The following KHDRBS2 variants were observed in gnomAD, a reference collection of about 807,000 sequenced individuals.
KHDRBS2 encodes KH domain-containing, RNA-binding, signal transduction-associated protein 2.
KHDRBS2 carries 26 observed loss-of-function variants against 44.3 expected under a neutral mutation model. That is an observed-to-expected ratio of 0.59 (90% confidence interval 0.43 to 0.81). The LOEUF (loss-of-function observed/expected upper bound fraction) is 0.81, where lower values mean the gene tolerates loss of function less well. Ranked by LOEUF, KHDRBS2 falls within the 40% of genes least tolerant of loss-of-function variation. KHDRBS2 has a pLI of 0.00. For missense variants in KHDRBS2, 476 were observed against 433.1 expected, an observed-to-expected ratio of 1.10 and a Z score of -0.88; for synonymous variants, 194 against 151.1, an observed-to-expected ratio of 1.28 and a Z score of -2.08.
chr6:62,186,055 T>A (rs1252070530), intron 1 of KHDRBS2, among the ~76,000 whole-genome samples: 1 of 152,042 alleles, frequency 6.6e-6, no homozygotes, highest in Non-Finnish European at 1.5e-5. Context: ...AGTATATTCT[T>A]AAGAATGCAG....
At chr6:61,543,636 A>T in the KHDRBS2 span, among the ~76,000 whole-genome samples, 1 of 152,020 alleles carries the variant, frequency 6.6e-6, no homozygotes, top group Non-Finnish European at 1.5e-5. Flanking sequence ...AGTATATAGA[A>T]GAGATATCTA....
intron 6 of KHDRBS2, among the ~76,000 whole-genome samples, chr6:61,857,582 T>C (rs978836708): frequency 1.0e-4 from 9 of 86,792 alleles, no homozygotes; most frequent in Middle Eastern, 5.3e-3. Context: ...GATTATTTAC[T>C]TCATATTTAT....
chr6:62,014,737 A>C (rs1236793088), intron 3 of KHDRBS2, among the ~76,000 whole-genome samples: 1 of 152,128 alleles, frequency 6.6e-6, no homozygotes, highest in Non-Finnish European at 1.5e-5. Context: ...ATCTTTCCTA[A>C]ATGGAACATC....
the KHDRBS2 span, among the ~76,000 whole-genome samples, chr6:61,657,060 A>G: frequency 6.6e-6 from 1 of 151,980 alleles, no homozygotes; most frequent in Non-Finnish European, 1.5e-5. Flanking sequence ...ACTACTCAAA[A>G]GATGGTCCAT....
chr6:61,671,646 G>A, the KHDRBS2 span, among the ~76,000 whole-genome samples: 1 of 151,546 alleles, frequency 6.6e-6, no homozygotes, highest in Non-Finnish European at 1.5e-5. Flanking sequence ...CTATCTTATT[G>A]TTACCTCAGA....
chr6:61,654,475 G>A, the KHDRBS2 span, among the ~76,000 whole-genome samples: 1 of 151,746 alleles, frequency 6.6e-6, no homozygotes, highest in South Asian at 2.1e-4. Flanking sequence ...CTGCACTTCT[G>A]TTGTTTGCTC....
intron 5 of KHDRBS2, among the ~76,000 whole-genome samples, chr6:61,900,832 G>T (rs1803846628): frequency 6.6e-6 from 1 of 152,144 alleles, no homozygotes; most frequent in Admixed American, 6.5e-5. Flanking sequence ...AGGGTATCTT[G>T]GTTTGAAGAG....
At chr6:61,880,705 C>T (rs1346335585) in intron 6 of KHDRBS2, among the ~76,000 whole-genome samples, 1 of 151,890 alleles carries the variant, frequency 6.6e-6, no homozygotes, top group African/African-American at 2.4e-5. Context: ...AGAAATATCT[C>T]CTAAAATCTT....
the KHDRBS2 span, among the ~76,000 whole-genome samples, chr6:61,553,160 T>C: frequency 6.6e-6 from 1 of 152,206 alleles, no homozygotes; most frequent in Non-Finnish European, 1.5e-5. Context: ...GGCTTTTTAT[T>C]ACTGATTCAA....
rs539463373 is a variant in KHDRBS2 at position 61,820,667 on chromosome 6, G to A, written c.810+73968C>T. Reference sequence around the variant, plus strand: ...AATTTTTGCTCATAGGTGTTTTCTGGAAGTCACATTTGTATTCCTGTTTTA... The same window carrying A: ...AATTTTTGCTCATAGGTGTTTTCTGAAAGTCACATTTGTATTCCTGTTTTA... On this transcript the variant is annotated intron_variant, in intron 6 of 8. Coordinates refer to ENST00000281156, the MANE Select transcript of KHDRBS2 (RefSeq NM_152688.4). Among the ~76,000 whole-genome samples, 16 of 152,030 alleles carry A rather than the reference G, an allele frequency of 1.1e-4. No homozygotes were observed. In the South Asian group the frequency reaches 2.7e-3, roughly 26 times the overall value.
intron 6 of KHDRBS2, among the ~76,000 whole-genome samples, chr6:61,836,430 A>C (rs998186065): frequency 2.6e-5 from 4 of 152,072 alleles, no homozygotes; most frequent in Non-Finnish European, 5.9e-5. Context: ...AATGACAGGA[A>C]GATCAGGCAG....
intron 6 of KHDRBS2, among the ~76,000 whole-genome samples, chr6:61,757,178 G>C (rs879715271): frequency 6.6e-6 from 1 of 152,002 alleles, no homozygotes; most frequent in Non-Finnish European, 1.5e-5. Flanking sequence ...TGTCAATTAG[G>C]GCAGAGTTGG....
chr6:61,922,402 G>C (rs998164407), intron 4 of KHDRBS2, among the ~76,000 whole-genome samples: 1 of 152,038 alleles, frequency 6.6e-6, no homozygotes, highest in Non-Finnish European at 1.5e-5. Context: ...ACTGTTGACC[G>C]TCAAGGGAGA....
intron 1 of KHDRBS2, among the ~76,000 whole-genome samples, chr6:62,249,804 C>G (rs766730625): frequency 2.0e-5 from 3 of 152,016 alleles, no homozygotes; most frequent in Non-Finnish European, 4.4e-5. Context: ...AGAACATGCT[C>G]TTCCACTCTC....
At chr6:61,689,683 G>T (rs189167277) in intron 8 of KHDRBS2, among the ~76,000 whole-genome samples, 203 of 152,022 alleles carry the variant, frequency 1.3e-3, no homozygotes, top group Non-Finnish European at 2.1e-3. Context: ...CTTCTACTGG[G>T]ATCTTCCTGG....
At chr6:61,550,919 C>T in the KHDRBS2 span, among the ~76,000 whole-genome samples, 4 of 151,848 alleles carry the variant, frequency 2.6e-5, no homozygotes, top group Non-Finnish European at 5.9e-5. Context: ...CTACAAGGCA[C>T]ATGCCACCAC....
the KHDRBS2 span, among the ~76,000 whole-genome samples, chr6:61,555,689 G>A: frequency 1.9e-3 from 289 of 152,208 alleles, no homozygotes; most frequent in South Asian, 0.012. Context: ...TGTTTGTTTC[G>A]CTTGCTTGTA....
intron 6 of KHDRBS2, among the ~76,000 whole-genome samples, chr6:61,869,964 G>GTTTTTTTTTTTTTTTTTTTTTTTTTTTT (rs59518436): frequency 1.7e-4 from 19 of 108,996 alleles, no homozygotes; most frequent in African/African-American, 6.4e-4. Context: ...CTGCAGGAGT[G>GTTTTTTTTTTTTTTTTTTTTTTTTTTTT]TTTTTTTTTT....
At chr6:61,667,177 T>C in the KHDRBS2 span, among the ~76,000 whole-genome samples, 2 of 150,506 alleles carry the variant, frequency 1.3e-5, no homozygotes, top group Non-Finnish European at 3.0e-5. Flanking sequence ...TAAGGAAGTA[T>C]ATAAAAATAA....
Sources: allele counts gnomAD v4.1 joint callset (sites outside exome capture counted in the v4.1 genomes callset), GRCh38; gene constraint gnomAD v4.1.1; transcripts MANE v1.5; gene names NCBI Gene and HGNC (gene_info 2026-07-23, HGNC 2026-07-21).